ZSCAN5A: variants seen among roughly 807,000 people sequenced by gnomAD.
The protein encoded by ZSCAN5A is zinc finger and SCAN domain containing 5A.
Under a neutral mutation model 23.7 loss-of-function variants are expected in ZSCAN5A, and 12 were observed. The ratio of observed to expected loss-of-function variants is 0.51; its 90% CI spans 0.32 to 0.82. The LOEUF is 0.82. Among genes scored for constraint, ZSCAN5A ranks in the 40% least tolerant of loss-of-function variants. ZSCAN5A has a pLI of 0.03. For missense variants in ZSCAN5A, 597 were observed against 617.9 expected, an observed-to-expected ratio of 0.97 and a Z score of 0.36; for synonymous variants, 257 against 239.9, an observed-to-expected ratio of 1.07 and a Z score of -0.66.
intron 2 of ZSCAN5A, chr19:56,354,625 G>A (rs755979929): frequency 6.6e-6 from 1 of 152,144 alleles, no homozygotes; most frequent in Non-Finnish European, 1.5e-5. Flanking sequence ...TCCTAGTTGG[G>A]TCCAATCTGT....
intron 2 of ZSCAN5A, among the ~76,000 whole-genome samples, chr19:56,340,391 T>G (rs1484024129): frequency 6.6e-6 from 1 of 152,194 alleles, no homozygotes; most frequent in Non-Finnish European, 1.5e-5. Flanking sequence ...GTTCTAAGGT[T>G]AGATTGTCGG....
intron 2 of ZSCAN5A, among the ~76,000 whole-genome samples, chr19:56,259,960 C>T (rs143724509): frequency 1.7e-4 from 26 of 152,084 alleles, no homozygotes; most frequent in South Asian, 4.1e-4. Flanking sequence ...GGTGACAGAG[C>T]GAGACCTTGT....
intron 2 of ZSCAN5A, among the ~76,000 whole-genome samples, chr19:56,277,623 G>A (rs143475827): frequency 0.011 from 1,652 of 152,144 alleles, 10 homozygotes; most frequent in South Asian, 0.032. Flanking sequence ...AGTGATGGTC[G>A]TACAAGTCTG....
At chr19:56,325,149 C>T (rs1459766539) in intron 2 of ZSCAN5A, among the ~76,000 whole-genome samples, 1 of 152,246 alleles carries the variant, frequency 6.6e-6, no homozygotes, top group Non-Finnish European at 1.5e-5. Flanking sequence ...CTTTTCCCTT[C>T]TTCCCTCCCC....
intron 2 of ZSCAN5A, among the ~76,000 whole-genome samples, chr19:56,292,838 C>A (rs1181973458): frequency 6.6e-6 from 1 of 152,194 alleles, no homozygotes; most frequent in Admixed American, 6.5e-5. Flanking sequence ...TTGTGTCTGG[C>A]TTCATCACTC....
At chr19:56,255,550 C>A (rs541344616) in intron 2 of ZSCAN5A, among the ~76,000 whole-genome samples, 1 of 152,240 alleles carries the variant, frequency 6.6e-6, no homozygotes, top group Non-Finnish European at 1.5e-5. Flanking sequence ...TCTAACGGGT[C>A]CACGTTGATT....
intron 2 of ZSCAN5A, among the ~76,000 whole-genome samples, chr19:56,308,331 C>CTTTTTTTTT (rs543582885): frequency 4.4e-4 from 64 of 144,732 alleles, no homozygotes; most frequent in South Asian, 2.2e-3. Flanking sequence ...GGCTCCCAGT[C>CTTTTTTTTT]TTTTTTTTTT....
chr19:56,223,172 C>G (rs1305097591), intron 4 of ZSCAN5A, among the ~76,000 whole-genome samples: 5 of 152,174 alleles, frequency 3.3e-5, no homozygotes, highest in Admixed American at 1.3e-4. Flanking sequence ...GCTATTAACA[C>G]CCCACCATCC....
In ZSCAN5A at chr19:56,356,063, G is replaced by A. The variant is rs573684076; in HGVS notation, c.-358+7172C>T. Among the ~76,000 whole-genome samples the A allele has an allele frequency of 5.4e-5, 8 of 148,882 alleles. 1 individual carries two copies. The highest frequency in any genetic ancestry group is 2.0e-4 in the African/African-American group (8 of 39,622). On this transcript the variant is annotated intron_variant, in intron 2 of 6. Coordinates refer to the ZSCAN5A transcript ENST00000587340. ...TAAATAGATGAAAGGATGAGACAGGGAGAAAAATGTAGGGAAAGTACCACA... is the reference window on the plus strand; with the variant it reads ...TAAATAGATGAAAGGATGAGACAGGAAGAAAAATGTAGGGAAAGTACCACA...
At chr19:56,303,218 G>A (rs901990589) in intron 2 of ZSCAN5A, among the ~76,000 whole-genome samples, 15 of 152,248 alleles carry the variant, frequency 9.9e-5, no homozygotes, top group East Asian at 3.9e-4. Flanking sequence ...GGTGGCTCAC[G>A]CTTGTCATCG....
chr19:56,320,286 C>T (rs1331862647), intron 2 of ZSCAN5A: 6 of 440,088 alleles, frequency 1.4e-5, no homozygotes, highest in African/African-American at 4.1e-5. Flanking sequence ...AAAGGCCAGG[C>T]GAGGCTGAGG....
chr19:56,244,867 C>T (rs911664982), intron 2 of ZSCAN5A, among the ~76,000 whole-genome samples: 2 of 151,672 alleles, frequency 1.3e-5, no homozygotes, highest in Non-Finnish European at 2.9e-5. Flanking sequence ...CATCCTGAAG[C>T]AGGGAAAGTG....
intron 2 of ZSCAN5A, among the ~76,000 whole-genome samples, chr19:56,348,615 C>T (rs1009426541): frequency 1.3e-5 from 2 of 152,168 alleles, no homozygotes; most frequent in African/African-American, 4.8e-5. Flanking sequence ...CTAACATTTA[C>T]ACTAACTCCA....
chr19:56,352,188 G>A lies in ZSCAN5A; in HGVS notation c.-358+11047C>T, dbSNP rs1453669052. On this transcript the variant is annotated intron_variant, in intron 2 of 6. Coordinates refer to the ZSCAN5A transcript ENST00000587340. This position sits in a 1 kb window ranked among gnomAD's most constrained non-coding sequence, Gnocchi z 4.2. The stretch of plus-strand genomic sequence containing the variant: ...ACGATCTCAGCTCACTGCAAGCTCC[G>A]CCTCCTGGATTCACGCCATTCTCCT... Among the ~76,000 whole-genome samples the A allele has an allele frequency of 3.3e-5, 5 of 152,004 alleles. No homozygotes were observed. The highest frequency in any genetic ancestry group is 4.4e-5 in the Non-Finnish European group (3 of 68,026).
At chr19:56,256,718 AG>A (rs1470473126) in intron 2 of ZSCAN5A, among the ~76,000 whole-genome samples, 1 of 152,210 alleles carries the variant, frequency 6.6e-6, no homozygotes, top group African/African-American at 2.4e-5. Context: ...ATATAGGGGC[AG>A]CCCCTGGTGG....
Position 56,231,649 on chromosome 19 carries a change from T to C in ZSCAN5A, c.-127-6476A>G, listed in dbSNP as rs58082843. On this transcript the variant is annotated intron_variant, in intron 2 of 5. Transcript: ENST00000683990. ...ATGACACACTCAGTCTCTCAACAAA[T>C]CCTATACCTTAATTAATGTGTTTAT... Among the ~76,000 whole-genome samples the C allele has an allele frequency of 9.7e-3, 1,471 of 152,326 alleles. 25 individuals are homozygous for C. The highest frequency in any genetic ancestry group is 0.034 in the African/African-American group (1,407 of 41,572).
At chr19:56,286,830 T>G (rs905256718) in intron 2 of ZSCAN5A, 1 of 152,248 alleles carries the variant, frequency 6.6e-6, no homozygotes, top group African/African-American at 2.4e-5. Context: ...CATCTCTCAC[T>G]GCTAGAGATG....
chr19:56,355,960 A>AT (rs1464612574), intron 2 of ZSCAN5A, among the ~76,000 whole-genome samples: 1 of 148,790 alleles, frequency 6.7e-6, no homozygotes, highest in Non-Finnish European at 1.5e-5. Flanking sequence ...TGTGGTGCCA[A>AT]TATTATTTAC....
chr19:56,314,551 T>A (rs1361681884), intron 1 of ZSCAN5A, 130 bp downstream of exon 1: 1 of 152,190 alleles, frequency 6.6e-6, no homozygotes, highest in African/African-American at 2.4e-5. Context: ...GGCTCGGTCC[T>A]CCCACGAATC....
Sources: gnomAD v4.1 joint callset for allele counts (sites outside exome capture counted in the v4.1 genomes callset) on GRCh38, gnomAD v4.1.1 for gene constraint, Gnocchi (gnomAD v3.1) non-coding constraint, MANE v1.5 for transcripts, NCBI Gene and HGNC (gene_info 2026-07-23, HGNC 2026-07-21) for gene names.